RERG: variants seen among roughly 807,000 people sequenced by gnomAD.
RERG encodes ras-related and estrogen-regulated growth inhibitor.
RERG carries 25 observed loss-of-function variants against 23.2 expected under a neutral mutation model. That is an observed-to-expected ratio of 1.08 (90% CI 0.79 to 1.50). The LOEUF is 1.50. Ranked by LOEUF, RERG falls within the 40% of genes most tolerant of loss-of-function variation. The pLI, the probability that RERG is intolerant of heterozygous loss-of-function variation, is 0.00. For missense variants in RERG, 253 were observed against 250.1 expected (o/e 1.01, Z -0.08); for synonymous variants, 81 against 89.1 (o/e 0.91, Z 0.51).
intron 2 of RERG, among the ~76,000 whole-genome samples, chr12:15,198,462 T>G (rs966215421): frequency 3.3e-5 from 5 of 152,166 alleles, no homozygotes; most frequent in African/African-American, 1.2e-4. Flanking sequence ...TATGTGTGCA[T>G]AGGCTCAGAA....
At chr12:15,213,389 T>C (rs534147657) in intron 2 of RERG, among the ~76,000 whole-genome samples, 5 of 152,356 alleles carry the variant, frequency 3.3e-5, no homozygotes, top group African/African-American at 1.2e-4. Context: ...GTGCCTTGCA[T>C]GCCACATTAT....
At chr12:15,117,675 GCACACACACA>G (rs3084648) in intron 3 of RERG, among the ~76,000 whole-genome samples, 41 of 145,130 alleles carry the variant, frequency 2.8e-4, no homozygotes, top group South Asian at 4.3e-4. Context: ...TCACACACGC[GCACACACACA>G]CACACACACA....
chr12:15,213,996 A>ATGTGTGTG (rs59427690), intron 2 of RERG, among the ~76,000 whole-genome samples: 12 of 131,014 alleles, frequency 9.2e-5, no homozygotes, highest in African/African-American at 3.1e-4. Context: ...CAGAGAAAGT[A>ATGTGTGTG]TGTGTGTGTG....
intron 2 of RERG, among the ~76,000 whole-genome samples, chr12:15,121,631 G>T (rs1435107869): frequency 6.6e-6 from 1 of 152,210 alleles, no homozygotes; most frequent in Admixed American, 6.5e-5. Context: ...CTCATCAAAA[G>T]TAGCACTGAT....
At chr12:15,214,025 TGTGTGTGTGTGTGC>T (rs1268232319) in intron 2 of RERG, among the ~76,000 whole-genome samples, 5 of 122,038 alleles carry the variant, frequency 4.1e-5, no homozygotes, top group African/African-American at 2.0e-4. Flanking sequence ...TGTGTGTGTG[TGTGTGTGTGTGTGC>T]GCGTGTGTGG....
intron 2 of RERG, among the ~76,000 whole-genome samples, chr12:15,133,029 C>G (rs1190918106): frequency 7.1e-6 from 1 of 140,522 alleles, no homozygotes; most frequent in Non-Finnish European, 1.5e-5. Context: ...ATATCCCACA[C>G]TAGTGTGGTA....
chr12:15,186,072 T>C (rs919968268), intron 2 of RERG, among the ~76,000 whole-genome samples: 1 of 151,858 alleles, frequency 6.6e-6, no homozygotes, highest in African/African-American at 2.4e-5. Flanking sequence ...TGGAAAACTG[T>C]TTTTCAATGA....
intron 2 of RERG, among the ~76,000 whole-genome samples, chr12:15,155,899 T>C (rs1423033263): frequency 6.6e-6 from 1 of 151,232 alleles, no homozygotes; most frequent in African/African-American, 2.4e-5. Context: ...ATATATGTCA[T>C]TACAAATAAA....
rs539610848 is a variant in RERG at position 15,207,298 on chromosome 12, C to T, written c.61+10131G>A. On this transcript the variant is annotated intron_variant, in intron 2 of 4. Transcript: ENST00000256953. ...AGACATGCTGGATCCAAAAGGCTCC[C>T]GATGCACCAGGAGAATTGATTAAAT... Among the ~76,000 whole-genome samples the T allele has an allele frequency of 7.2e-5, 11 of 152,012 alleles. No individual in the cohort carries two copies. The East Asian group carries it at 7.7e-4, about 11-fold the overall frequency.
intron 2 of RERG, among the ~76,000 whole-genome samples, chr12:15,199,819 T>A (rs527768791): frequency 6.6e-6 from 1 of 152,258 alleles, no homozygotes; most frequent in South Asian, 2.1e-4. Flanking sequence ...CCAATGCACC[T>A]TCATAGAGAA....
At chr12:15,170,835 C>T (rs139057565) in intron 2 of RERG, among the ~76,000 whole-genome samples, 55 of 152,318 alleles carry the variant, frequency 3.6e-4, no homozygotes, top group African/African-American at 1.2e-3. Flanking sequence ...AAATCACTTT[C>T]CTAAAAACCA....
intron 2 of RERG, among the ~76,000 whole-genome samples, chr12:15,214,472 T>C (rs1865413911): frequency 6.6e-6 from 1 of 152,180 alleles, no homozygotes; most frequent in African/African-American, 2.4e-5. Flanking sequence ...GACTTAAGCC[T>C]CTGAAACAAT....
intron 2 of RERG, among the ~76,000 whole-genome samples, chr12:15,136,215 C>T (rs868421249): frequency 5.4e-4 from 82 of 152,018 alleles, no homozygotes; most frequent in African/African-American, 2.0e-3. Flanking sequence ...CTTTATTATC[C>T]TTTCAATGTC....
At chr12:15,202,583 A>G (rs560638704) in intron 2 of RERG, among the ~76,000 whole-genome samples, 50 of 151,894 alleles carry the variant, frequency 3.3e-4, no homozygotes, top group African/African-American at 1.2e-3. Context: ...CACTTAGCAT[A>G]ATGTTTTCCA....
Position 15,109,228 on chromosome 12 carries a change from T to A in RERG, c.482A>T (p.Tyr161Phe). The change falls in exon 5 of 5, where the codon TAT (tyrosine) becomes TTT (phenylalanine). Residue 161 changes from tyrosine (Y) to phenylalanine (F), a missense_variant. Coordinates refer to ENST00000256953, the MANE Select transcript of RERG (RefSeq NM_032918.3). ...GCGACGCACCTCTCGACACAATTCA[T>A]AGAATATCTCTGTGATGTTCCCTTC... ...TGEGNITEIF[Y>F]ELCREVRRRR... The A allele has an allele frequency of 1.2e-6, 2 of 1,614,136 alleles. No homozygotes were observed. Among genetic ancestry groups the A allele is most frequent in the Non-Finnish European group, 1.7e-6 (2 of 1,179,994 alleles).
At chr12:15,148,379 G>T (rs1023607458) in intron 2 of RERG, among the ~76,000 whole-genome samples, 1 of 152,010 alleles carries the variant, frequency 6.6e-6, no homozygotes, top group Non-Finnish European at 1.5e-5. Context: ...AAGAAGGTGC[G>T]AATAAAGAAG....
chr12:15,175,652 T>C (rs1052459664), intron 2 of RERG, among the ~76,000 whole-genome samples: 1 of 152,122 alleles, frequency 6.6e-6, no homozygotes, highest in Admixed American at 6.6e-5. Flanking sequence ...TTATCTCTCA[T>C]GTTAAGTAAT....
chr12:15,169,027 C>T (rs1400554432), intron 2 of RERG, among the ~76,000 whole-genome samples: 1 of 151,992 alleles, frequency 6.6e-6, no homozygotes, highest in African/African-American at 2.4e-5. Flanking sequence ...GTTTTAATGA[C>T]TCTGGAGATG....
intron 2 of RERG, among the ~76,000 whole-genome samples, chr12:15,173,456 T>C (rs1864803680): frequency 1.3e-5 from 2 of 151,992 alleles, no homozygotes; most frequent in Non-Finnish European, 2.9e-5. Context: ...TCTGGGTCTA[T>C]TGCATTTCCG....
Sources: gnomAD v4.1 joint callset for allele counts (sites outside exome capture counted in the v4.1 genomes callset) on GRCh38, gnomAD v4.1.1 for gene constraint, MANE v1.5 for transcripts, NCBI Gene and HGNC (gene_info 2026-07-23, HGNC 2026-07-21) for gene names.